The following KLF12 variants were observed in gnomAD, a reference collection of about 807,000 sequenced individuals.
The protein encoded by KLF12 is Krueppel-like factor 12.
In KLF12, 9 loss-of-function variants were observed where a neutral mutation model predicts 37.8. That is an observed-to-expected ratio of 0.24 (90% CI 0.14 to 0.42). The LOEUF (loss-of-function observed/expected upper bound fraction) is 0.42. Among genes scored for constraint, KLF12 ranks in the 10% least tolerant of loss-of-function variants. The probability of loss-of-function intolerance (pLI) is 1.00; values close to 1 mark genes in which losing one functional copy is unlikely to be tolerated. For synonymous variants in KLF12, 208 were observed against 202.1 expected, an observed-to-expected ratio of 1.03 and a Z score of -0.25; for missense variants, 411 against 516.0, an observed-to-expected ratio of 0.80 and a Z score of 1.97.
chr13:73,848,149 TAG>T (rs1885129336), intron 3 of KLF12, among the ~76,000 whole-genome samples: 1 of 152,178 alleles, frequency 6.6e-6, no homozygotes. Context: ...ATTCTTATTT[TAG>T]AGAGAGTGAT....
At chr13:74,118,262 T>A (rs771394433) in intron 1 of KLF12, among the ~76,000 whole-genome samples, 2 of 152,224 alleles carry the variant, frequency 1.3e-5, no homozygotes, top group Non-Finnish European at 2.9e-5. Flanking sequence ...GGGTTTCTTA[T>A]ACTATTCTCA....
chr13:73,781,327 G>T (rs1022492096), intron 5 of KLF12, among the ~76,000 whole-genome samples: 1 of 152,108 alleles, frequency 6.6e-6, no homozygotes, highest in African/African-American at 2.4e-5. Context: ...TCACTTTATT[G>T]CAACGTTTAC....
At chr13:74,185,203 C>T in the KLF12 span, among the ~76,000 whole-genome samples, 3,373 of 152,190 alleles carry the variant, frequency 0.022, 124 homozygotes, top group African/African-American at 0.074. Flanking sequence ...TAAACTATAA[C>T]ACAATAAATA....
At chr13:73,886,163 A>G (rs112117802) in intron 3 of KLF12, among the ~76,000 whole-genome samples, 1 of 152,146 alleles carries the variant, frequency 6.6e-6, no homozygotes, top group Non-Finnish European at 1.5e-5. Flanking sequence ...ACAAAGATGA[A>G]GGTCTGAAAT....
rs528342762 is a variant in KLF12 at position 73,723,396 on chromosome 13, C to A, written c.870-7871G>T. On this transcript the variant is annotated intron_variant, in intron 6 of 7. Coordinates refer to ENST00000377669, the MANE Select transcript of KLF12 (RefSeq NM_007249.5). ...CACTGAATGGAAGACACATAACATA[C>A]TTAAATATTTAGAGGGATTTTCCCA... is the stretch of plus-strand genomic sequence containing the variant. Among the ~76,000 whole-genome samples, 4 of 152,164 alleles carry A rather than the reference C, an allele frequency of 2.6e-5. No individual in the cohort carries two copies. The South Asian group carries it at 6.2e-4, about 24-fold the overall frequency.
rs907980330 is a variant in KLF12, at chr13:73,695,205, C to T, written c.*285G>A. ...GACAGCTCAGAAAATGTACAAGCTACAAACATCTTTAAATGGCAGAGGACA... is the reference window on the plus strand; with the variant it reads ...GACAGCTCAGAAAATGTACAAGCTATAAACATCTTTAAATGGCAGAGGACA... On this transcript the variant is annotated 3_prime_UTR_variant, in exon 8 of 8. Coordinates refer to ENST00000377669, the MANE Select transcript of KLF12 (RefSeq NM_007249.5). 1.1e-5 allele frequency: 4 copies of T among 364,314 alleles called. No homozygotes were observed. Among genetic ancestry groups the T allele is most frequent in the Non-Finnish European group, 2.0e-5 (4 of 200,018 alleles). 22.6% of individuals were successfully genotyped at this position (364,314 alleles called of 1,614,324 possible).
chr13:74,153,747 T>C, the KLF12 span, among the ~76,000 whole-genome samples: 1 of 152,190 alleles, frequency 6.6e-6, no homozygotes, highest in Non-Finnish European at 1.5e-5. Context: ...AGTCAAGCTA[T>C]TGATTGCCCT....
chr13:74,140,792 G>GC, the KLF12 span, among the ~76,000 whole-genome samples: 1 of 152,102 alleles, frequency 6.6e-6, no homozygotes, highest in African/African-American at 2.4e-5. Context: ...GGTGGCTCAT[G>GC]CCTGTAATCC....
chr13:74,072,387 AT>A (rs1566198797), intron 1 of KLF12, among the ~76,000 whole-genome samples: 8 of 130,874 alleles, frequency 6.1e-5, no homozygotes, highest in Non-Finnish European at 8.3e-5. Context: ...ATATATATAT[AT>A]ATATATATAT....
At chr13:74,295,318 A>G in the KLF12 span, among the ~76,000 whole-genome samples, 1 of 151,944 alleles carries the variant, frequency 6.6e-6, no homozygotes, top group Non-Finnish European at 1.5e-5. Flanking sequence ...CTCCCTATAA[A>G]CCACACATAA....
At chr13:73,831,833 T>C (rs2138585505) in intron 4 of KLF12, among the ~76,000 whole-genome samples, 1 of 152,254 alleles carries the variant, frequency 6.6e-6, no homozygotes, top group South Asian at 2.1e-4. Flanking sequence ...AGTAACAAAA[T>C]CTACAGAAAG....
intron 5 of KLF12, among the ~76,000 whole-genome samples, chr13:73,788,100 T>C (rs1359466978): frequency 6.6e-6 from 1 of 152,156 alleles, no homozygotes; most frequent in Non-Finnish European, 1.5e-5. Context: ...AAGACACTTT[T>C]CTTTGATGAC....
At chr13:73,739,774 A>G (rs750163288) in intron 6 of KLF12, among the ~76,000 whole-genome samples, 5 of 152,264 alleles carry the variant, frequency 3.3e-5, no homozygotes. Flanking sequence ...ATGATGATAA[A>G]TAATCAGAGA....
intron 4 of KLF12, among the ~76,000 whole-genome samples, chr13:73,826,541 T>C (rs1213120060): frequency 2.0e-5 from 3 of 152,182 alleles, no homozygotes; most frequent in East Asian, 1.9e-4. Flanking sequence ...ATTCAAAATA[T>C]CTAAACATTT....
intron 3 of KLF12, among the ~76,000 whole-genome samples, chr13:73,874,729 T>C (rs1886624247): frequency 6.6e-6 from 1 of 152,168 alleles, no homozygotes; most frequent in African/African-American, 2.4e-5. Flanking sequence ...TTCAAGTGAC[T>C]GAAACTAAGA....
chr13:74,080,868 G>A (rs1031982714), intron 1 of KLF12, among the ~76,000 whole-genome samples: 2 of 152,134 alleles, frequency 1.3e-5, no homozygotes, highest in Non-Finnish European at 2.9e-5. Context: ...GTACTGATGA[G>A]GAAAGAGACA....
intron 4 of KLF12, among the ~76,000 whole-genome samples, chr13:73,836,914 G>T (rs541539787): frequency 6.6e-6 from 1 of 152,198 alleles, no homozygotes; most frequent in Admixed American, 6.5e-5. Flanking sequence ...GGAGAAACTT[G>T]ACCTAATAAA....
chr13:73,982,453 G>T (rs990764385), intron 2 of KLF12, among the ~76,000 whole-genome samples: 4 of 152,146 alleles, frequency 2.6e-5, no homozygotes, highest in Non-Finnish European at 5.9e-5. Flanking sequence ...GTACACTTAG[G>T]CAAAGACAAC....
At chr13:73,996,174 A>G (rs1892114128) in intron 1 of KLF12, among the ~76,000 whole-genome samples, 1 of 152,220 alleles carries the variant, frequency 6.6e-6, no homozygotes, top group Non-Finnish European at 1.5e-5. Context: ...TGCTATAACA[A>G]TGTCTCAAAA....
Sources: allele counts gnomAD v4.1 joint callset (sites outside exome capture counted in the v4.1 genomes callset), GRCh38; gene constraint gnomAD v4.1.1; transcripts MANE v1.5; gene names NCBI Gene and HGNC (gene_info 2026-07-23, HGNC 2026-07-21).